DPP6: variants seen among roughly 807,000 people sequenced by gnomAD.
The protein encoded by DPP6 is A-type potassium channel modulatory protein DPP6.
A neutral mutation model predicts 122.6 loss-of-function variants in DPP6; 69 were observed. That is an observed-to-expected ratio of 0.56 (90% CI 0.46 to 0.69). The LOEUF (loss-of-function observed/expected upper bound fraction) is 0.69. Among genes scored for constraint, DPP6 ranks in the 30% least tolerant of loss-of-function variants. The probability of loss-of-function intolerance (pLI) is 0.00; values close to 1 mark genes in which losing one functional copy is unlikely to be tolerated. For synonymous variants in DPP6, 418 were observed against 433.1 expected (o/e 0.97, Z 0.43); for missense variants, 928 against 1,116.9 (o/e 0.83, Z 2.41).
At chr7:154,793,664 G>A (rs1418986996) in intron 10 of DPP6, 2 of 155,178 alleles carry the variant, frequency 1.3e-5, no homozygotes, top group African/African-American at 2.4e-5. Flanking sequence ...GCCCTTTTCC[G>A]GTTCTTTCTC....
At chr7:153,999,952 C>T (rs541329818) in intron 1 of DPP6, among the ~76,000 whole-genome samples, 22 of 151,292 alleles carry the variant, frequency 1.5e-4, no homozygotes, top group African/African-American at 5.1e-4. Flanking sequence ...AAAGTGAGAC[C>T]CCCATCTCAA....
At chr7:154,260,720 T>C (rs1008852641) in intron 1 of DPP6, among the ~76,000 whole-genome samples, 1 of 147,822 alleles carries the variant, frequency 6.8e-6, no homozygotes, top group African/African-American at 2.5e-5. Context: ...ATTATGTATA[T>C]ATAAAATACA....
intron 1 of DPP6, among the ~76,000 whole-genome samples, chr7:154,029,440 C>T (rs1233503815): frequency 1.3e-5 from 2 of 151,778 alleles, no homozygotes; most frequent in Non-Finnish European, 2.9e-5. Flanking sequence ...TGGCGTGAAC[C>T]TGGGAGGCAG....
intron 3 of DPP6, among the ~76,000 whole-genome samples, chr7:154,539,248 T>G (rs79189407): frequency 3.3e-5 from 5 of 152,174 alleles, no homozygotes; most frequent in African/African-American, 1.2e-4. Context: ...GTAGTTTGCC[T>G]GTATGAAATT....
At chr7:154,183,119 G>T (rs1798176375) in intron 1 of DPP6, among the ~76,000 whole-genome samples, 3 of 152,196 alleles carry the variant, frequency 2.0e-5, no homozygotes, top group Non-Finnish European at 4.4e-5. Context: ...TGAGTCCCCA[G>T]CTGGCTAGTG....
intron 3 of DPP6, among the ~76,000 whole-genome samples, chr7:154,529,831 A>G (rs962232098): frequency 3.3e-5 from 5 of 152,222 alleles, no homozygotes; most frequent in Admixed American, 6.5e-5. Flanking sequence ...TGATAGATCA[A>G]TATCCAAGGT....
chr7:154,402,978 T>C (rs550615894), intron 1 of DPP6, among the ~76,000 whole-genome samples: 1 of 152,300 alleles, frequency 6.6e-6, no homozygotes, highest in Non-Finnish European at 1.5e-5. Flanking sequence ...ACTATAGTTC[T>C]TAGTCTCAGA....
chr7:154,014,661 CAAAAAAAAAGA>C (rs1159359867), intron 1 of DPP6, among the ~76,000 whole-genome samples: 5 of 146,734 alleles, frequency 3.4e-5, no homozygotes, highest in Non-Finnish European at 1.5e-5. Flanking sequence ...GACTCTGTGT[CAAAAAAAAAGA>C]AGAAAGAAAA....
the DPP6 span, among the ~76,000 whole-genome samples, chr7:153,784,913 A>G: frequency 6.6e-6 from 1 of 152,244 alleles, no homozygotes; most frequent in Non-Finnish European, 1.5e-5. Flanking sequence ...ATCCTTAATT[A>G]TTGCAAAATA....
At chr7:154,565,502 T>G (rs1185130289) in intron 4 of DPP6, among the ~76,000 whole-genome samples, 2 of 152,024 alleles carry the variant, frequency 1.3e-5, no homozygotes, top group Non-Finnish European at 2.9e-5. Context: ...AAAACTAAGG[T>G]GCAGAGGACC....
At chr7:154,041,129 C>T (rs1799741452) in intron 1 of DPP6, among the ~76,000 whole-genome samples, 2 of 152,188 alleles carry the variant, frequency 1.3e-5, no homozygotes, top group African/African-American at 4.8e-5. Context: ...CATACTCCTC[C>T]TCTGTGGCTT....
chr7:154,173,405 AGCT>A (rs1797635648), intron 1 of DPP6, among the ~76,000 whole-genome samples: 1 of 152,202 alleles, frequency 6.6e-6, no homozygotes, highest in Non-Finnish European at 1.5e-5. Flanking sequence ...CCTCAGGGGC[AGCT>A]GGACAAGTCG....
At chr7:154,200,206 A>G (rs1186139099) in intron 1 of DPP6, among the ~76,000 whole-genome samples, 1 of 151,776 alleles carries the variant, frequency 6.6e-6, no homozygotes. Context: ...TTTTTAAACA[A>G]TTTTTTATTG....
the DPP6 span, among the ~76,000 whole-genome samples, chr7:153,833,356 T>C: frequency 2.0e-5 from 3 of 152,130 alleles, no homozygotes. Flanking sequence ...CTCTCAAGAT[T>C]TAAACTGAAA....
intron 8 of DPP6, among the ~76,000 whole-genome samples, chr7:154,738,945 G>A (rs938297439): frequency 2.6e-5 from 4 of 152,140 alleles, no homozygotes; most frequent in Middle Eastern, 3.2e-3. Context: ...TGTATTTCTC[G>A]TCGGAGATCA....
intron 4 of DPP6, among the ~76,000 whole-genome samples, chr7:154,563,259 CAG>C (rs1444591806): frequency 2.0e-5 from 3 of 152,150 alleles, no homozygotes; most frequent in Non-Finnish European, 2.9e-5. Flanking sequence ...TTAGGATGGA[CAG>C]AGACTGGCGT....
chr7:154,020,417 G>A (rs1462742381), intron 1 of DPP6, among the ~76,000 whole-genome samples: 3 of 151,064 alleles, frequency 2.0e-5, no homozygotes, highest in Admixed American at 1.3e-4. Context: ...GTAGATCAGC[G>A]GATCCAAACC....
intron 10 of DPP6, among the ~76,000 whole-genome samples, chr7:154,778,371 C>T (rs940633656): frequency 6.6e-6 from 1 of 152,058 alleles, no homozygotes; most frequent in African/African-American, 2.4e-5. Flanking sequence ...TCTCTGCCTC[C>T]AGGCTTCTCC....
chr7:154,539,178 T>A (rs1216665103), intron 3 of DPP6, among the ~76,000 whole-genome samples: 1 of 152,170 alleles, frequency 6.6e-6, no homozygotes, highest in Non-Finnish European at 1.5e-5. Context: ...AGAAAGATAG[T>A]GTTTTCCTTC....
Sources: allele counts gnomAD v4.1 joint callset (sites outside exome capture counted in the v4.1 genomes callset), GRCh38; gene constraint gnomAD v4.1.1; transcripts MANE v1.5; gene names NCBI Gene and HGNC (gene_info 2026-07-23, HGNC 2026-07-21).